The following FOXP1 variants were observed in gnomAD, a reference collection of about 807,000 sequenced individuals.
FOXP1 encodes forkhead box protein P1.
A neutral mutation model predicts 98.2 loss-of-function variants in FOXP1; 15 were observed. That is an observed-to-expected ratio of 0.15 (90% CI 0.10 to 0.24). FOXP1 has a LOEUF of 0.24. Among genes scored for constraint, FOXP1 ranks in the 10% least tolerant of loss-of-function variants. The pLI is 1.00. For synonymous variants in FOXP1, 371 were observed against 314.5 expected (o/e 1.18, Z -1.90); for missense variants, 633 against 848.5 (o/e 0.75, Z 3.15).
intron 5 of FOXP1, among the ~76,000 whole-genome samples, chr3:71,214,541 G>C (rs937638511): frequency 6.6e-6 from 1 of 152,110 alleles, no homozygotes; most frequent in South Asian, 2.1e-4. Context: ...GCTACTCCCT[G>C]GCATGCCCAT....
chr3:70,958,289 AT>A lies in FOXP1; in HGVS notation c.*957del, dbSNP rs1320026089. 1 of 534,678 alleles carries A rather than the reference AT, an allele frequency of 1.9e-6. No individual in the cohort carries two copies. Among genetic ancestry groups the A allele is most frequent in the Non-Finnish European group, 3.6e-6 (1 of 275,946 alleles). 33.1% of individuals were successfully genotyped at this position (534,678 alleles called of 1,614,324 possible). A position where few individuals can be genotyped will look rare whatever the true frequency, so the allele number is the denominator to read the frequency against. ...ATACTGCTGCGTGGAATGAATCGGC[AT>A]TGTTCCTAGAGTTTGTCTCTCTTTT... On this transcript the variant is annotated 3_prime_UTR_variant, in exon 21 of 21. Transcript: ENST00000649528.
rs1302527087 is a variant in FOXP1 at position 70,955,609 on chromosome 3, C to T, written c.*3638G>A. The T allele has an allele frequency of 1.7e-5, 4 of 232,416 alleles. No individual in the cohort carries two copies. The highest frequency in any genetic ancestry group is 2.5e-5 in the Non-Finnish European group (3 of 117,792). The allele number at this position is 232,416 out of a possible 1,614,324, so 14.4% of individuals were successfully genotyped here. A position where few individuals can be genotyped will look rare whatever the true frequency, so the allele number is the denominator to read the frequency against. On this transcript the variant is annotated 3_prime_UTR_variant, in exon 21 of 21. Coordinates refer to ENST00000649528, the MANE Select transcript of FOXP1 (RefSeq NM_001349338.3). ...ATACAAAAGTTCAATAGTTTTGACA[C>T]TCCCCATTGTTAATCACTACTTCAC...
At chr3:71,077,956 C>T (rs1386977149) in intron 7 of FOXP1, among the ~76,000 whole-genome samples, 1 of 152,110 alleles carries the variant, frequency 6.6e-6, no homozygotes, top group Non-Finnish European at 1.5e-5. Flanking sequence ...TTTCAGCCTC[C>T]CGAGTAACTG....
At chr3:71,396,922 A>ATATATATATACACACATATATATGTGTG (rs1560423696) in intron 3 of FOXP1, among the ~76,000 whole-genome samples, 1 of 97,582 alleles carries the variant, frequency 1.0e-5, no homozygotes, top group African/African-American at 4.4e-5. Context: ...ATGTGTGTAT[A>ATATATATATACACACATATATATGTGTG]TATATATATA....
At chr3:71,174,247 G>GA (rs899523949) in intron 6 of FOXP1, among the ~76,000 whole-genome samples, 5 of 152,150 alleles carry the variant, frequency 3.3e-5, no homozygotes, top group Non-Finnish European at 5.9e-5. Flanking sequence ...GTGGAGGGGG[G>GA]AAAAACCCAC....
chr3:71,325,158 T>C (rs2075614423), intron 4 of FOXP1, among the ~76,000 whole-genome samples: 1 of 151,338 alleles, frequency 6.6e-6, no homozygotes, highest in African/African-American at 2.4e-5. Context: ...GTTCAAGAGA[T>C]TCTCCCACCT....
chr3:71,576,931 C>G (rs1041085832), intron 2 of FOXP1, among the ~76,000 whole-genome samples: 3 of 152,150 alleles, frequency 2.0e-5, no homozygotes, highest in African/African-American at 7.2e-5. Context: ...AACTACCGAA[C>G]AAACACCTGT....
chr3:71,322,532 T>C (rs2075449989), intron 4 of FOXP1, among the ~76,000 whole-genome samples: 1 of 152,178 alleles, frequency 6.6e-6, no homozygotes, highest in African/African-American at 2.4e-5. Flanking sequence ...ATGGAGCCAG[T>C]ACCTTTGAAG....
intron 5 of FOXP1, among the ~76,000 whole-genome samples, chr3:71,201,990 G>C (rs1277630246): frequency 6.6e-6 from 1 of 152,190 alleles, no homozygotes; most frequent in African/African-American, 2.4e-5. Context: ...CAGACTATGT[G>C]ACCATCGGGA....
chr3:71,063,243 T>C (rs962044892), intron 7 of FOXP1, among the ~76,000 whole-genome samples: 4 of 152,270 alleles, frequency 2.6e-5, no homozygotes, highest in Non-Finnish European at 4.4e-5. Flanking sequence ...AAAACAGATA[T>C]AGACCTTTTC....
chr3:71,484,933 G>GT (rs762729210), intron 3 of FOXP1, among the ~76,000 whole-genome samples: 15 of 152,278 alleles, frequency 9.9e-5, no homozygotes, highest in Non-Finnish European at 1.5e-4. Flanking sequence ...TATAACACAC[G>GT]TATTATAGCC....
At chr3:71,280,945 G>A (rs2071472278) in intron 5 of FOXP1, among the ~76,000 whole-genome samples, 1 of 150,960 alleles carries the variant, frequency 6.6e-6, no homozygotes, top group Non-Finnish European at 1.5e-5. Flanking sequence ...AGCTTGTTAG[G>A]TGTCATGAAG....
At chr3:71,198,160 G>T (rs772072933) in intron 6 of FOXP1, 42 bp downstream of exon 6, 1 of 1,613,644 alleles carries the variant, frequency 6.2e-7, no homozygotes. Context: ...AGTAAAATTC[G>T]CACCCACCAC....
intron 5 of FOXP1, among the ~76,000 whole-genome samples, chr3:71,239,108 T>G (rs1435470868): frequency 6.6e-6 from 1 of 152,212 alleles, no homozygotes; most frequent in Non-Finnish European, 1.5e-5. Context: ...GTAGGAAATT[T>G]CACAGTGGGA....
intron 6 of FOXP1, among the ~76,000 whole-genome samples, chr3:71,195,954 C>T (rs529679183): frequency 1.3e-5 from 2 of 152,296 alleles, no homozygotes; most frequent in Admixed American, 6.5e-5. Context: ...TTTCTTATTT[C>T]ATCTACAGAT....
At chr3:71,230,570 A>G (rs2066203374) in intron 5 of FOXP1, among the ~76,000 whole-genome samples, 1 of 152,190 alleles carries the variant, frequency 6.6e-6, no homozygotes, top group South Asian at 2.1e-4. Flanking sequence ...AAGAATAATT[A>G]AGCACAAATA....
At chr3:71,351,116 C>T (rs1230552839) in intron 4 of FOXP1, among the ~76,000 whole-genome samples, 3 of 152,154 alleles carry the variant, frequency 2.0e-5, no homozygotes, top group African/African-American at 7.2e-5. Context: ...AAAACAGACT[C>T]ATGAAAGGTT....
chr3:71,565,031 C>T (rs369859036), intron 2 of FOXP1, among the ~76,000 whole-genome samples: 1 of 152,106 alleles, frequency 6.6e-6, no homozygotes, highest in African/African-American at 2.4e-5. Context: ...ACCCGGGAGG[C>T]GAGGTTGCAG....
chr3:71,269,098 G>GTTTT (rs371969799), intron 5 of FOXP1, among the ~76,000 whole-genome samples: 2 of 136,748 alleles, frequency 1.5e-5, no homozygotes, highest in African/African-American at 2.7e-5. Flanking sequence ...GGTTTTTTTT[G>GTTTT]TTTTTTTTTT....
Sources: gnomAD v4.1 joint callset for allele counts (sites outside exome capture counted in the v4.1 genomes callset) on GRCh38, gnomAD v4.1.1 for gene constraint, MANE v1.5 for transcripts, NCBI Gene and HGNC (gene_info 2026-07-23, HGNC 2026-07-21) for gene names.